FUT8: variants seen among roughly 807,000 people sequenced by gnomAD.
The protein encoded by FUT8 is fucosyltransferase 8, also known as alpha-(1,6)-fucosyltransferase.
Under a neutral mutation model 71.3 loss-of-function variants are expected in FUT8, and 29 were observed. That is an observed-to-expected ratio of 0.41 (90% CI 0.30 to 0.55). FUT8 has a LOEUF of 0.55. FUT8 is among the 20% of genes least tolerant of loss of function. The pLI, the probability that FUT8 is intolerant of heterozygous loss-of-function variation, is 0.34. For missense variants in FUT8, 544 were observed against 702.1 expected (o/e 0.77, Z 2.55); for synonymous variants, 254 against 239.3 (o/e 1.06, Z -0.57).
At chr14:65,625,064 C>CATAAATAA (rs145476463) in intron 5 of FUT8, among the ~76,000 whole-genome samples, 69,708 of 146,190 alleles carry the variant, frequency 0.48, 17,023 homozygotes, top group East Asian at 0.7. Context: ...GAAACTCTGT[C>CATAAATAA]ATAAATAAAT....
At position 65,660,217 on chromosome 14, in the gene FUT8, G is replaced by T. The variant is rs1249129879; in HGVS notation, c.598-9026G>T. On this transcript the variant is annotated intron_variant, in intron 6 of 10. Coordinates refer to ENST00000673929, the MANE Select transcript of FUT8 (RefSeq NM_001371533.1). This position sits in a 1 kb window ranked among gnomAD's most constrained non-coding sequence, Gnocchi z 4.1. The stretch of plus-strand genomic sequence containing the variant: ...GAAACTAAGTTGAGGGTTTTCTAGA[G>T]ACCACCTGGAACTCCCAGAGGTAAC... Among the ~76,000 whole-genome samples, 1 of 152,004 alleles carries T rather than the reference G, an allele frequency of 6.6e-6. No individual in the cohort carries two copies. Among genetic ancestry groups the T allele is most frequent in the Non-Finnish European group, 1.5e-5 (1 of 67,974 alleles).
In FUT8 at chr14:65,652,749, A is replaced by G. The variant is rs569109672; in HGVS notation, c.598-16494A>G. ...TTTATTGGATAAAGGAATAAGAGAA[A>G]GAATGAATGAAACTTCTACTAAACC... On this transcript the variant is annotated intron_variant, in intron 6 of 10. Transcript: ENST00000673929. The surrounding 1 kb of genome is among the most constrained non-coding windows in gnomAD (Gnocchi z 4.0). Among the ~76,000 whole-genome samples the G allele has an allele frequency of 3.3e-5, 5 of 152,350 alleles. No homozygotes were observed. In the East Asian group the frequency reaches 7.7e-4, roughly 24 times the overall value.
intron 1 of FUT8, among the ~76,000 whole-genome samples, chr14:65,454,413 G>A (rs1484956627): frequency 6.6e-6 from 1 of 152,068 alleles, no homozygotes; most frequent in Non-Finnish European, 1.5e-5. Context: ...GATTACTTGA[G>A]CCCAGGAGTT....
intron 2 of FUT8, among the ~76,000 whole-genome samples, chr14:65,486,141 T>C (rs771132298): frequency 1.3e-5 from 2 of 152,346 alleles, no homozygotes; most frequent in South Asian, 4.1e-4. Context: ...CTTTATGTTT[T>C]AGCACTAGCT....
intron 7 of FUT8, among the ~76,000 whole-genome samples, chr14:65,676,686 T>G (rs1181212097): frequency 6.6e-6 from 1 of 151,388 alleles, no homozygotes; most frequent in Non-Finnish European, 1.5e-5. Flanking sequence ...CAGACATACT[T>G]ATGTGAATCT....
chr14:65,551,296 A>C (rs1388617560), intron 2 of FUT8, among the ~76,000 whole-genome samples: 1 of 152,218 alleles, frequency 6.6e-6, no homozygotes, highest in East Asian at 1.9e-4. Flanking sequence ...GTTAGACTTA[A>C]GAAGTGTCAG....
chr14:65,597,467 C>CA (rs1191837223), intron 3 of FUT8, among the ~76,000 whole-genome samples: 1 of 151,966 alleles, frequency 6.6e-6, no homozygotes, highest in East Asian at 1.9e-4. Flanking sequence ...ACTAAAAATA[C>CA]AAAAAATTAG....
At chr14:65,686,253 C>T (rs1388098076) in intron 7 of FUT8, among the ~76,000 whole-genome samples, 1 of 152,174 alleles carries the variant, frequency 6.6e-6, no homozygotes, top group Non-Finnish European at 1.5e-5. Context: ...GCATTTTAAG[C>T]TTTAAGTTTG....
At chr14:65,655,792 A>G (rs1327623129) in intron 6 of FUT8, among the ~76,000 whole-genome samples, 1 of 152,222 alleles carries the variant, frequency 6.6e-6, no homozygotes, top group Non-Finnish European at 1.5e-5. Context: ...CTGGGACACA[A>G]GAATTGTTCA....
At chr14:65,661,267 A>T (rs988131420) in intron 6 of FUT8, among the ~76,000 whole-genome samples, 1 of 152,126 alleles carries the variant, frequency 6.6e-6, no homozygotes, top group Admixed American at 6.5e-5. Flanking sequence ...TGAAGACATC[A>T]TGGTGAAATC....
intron 1 of FUT8, among the ~76,000 whole-genome samples, chr14:65,439,987 T>TATATATACACAC (rs1358951833): frequency 7.2e-6 from 1 of 138,082 alleles, no homozygotes; most frequent in African/African-American, 2.7e-5. Flanking sequence ...TATATATATA[T>TATATATACACAC]ATATGTACAC....
the FUT8 span, among the ~76,000 whole-genome samples, chr14:65,376,733 T>C: frequency 6.6e-6 from 1 of 151,790 alleles, no homozygotes; most frequent in Admixed American, 6.6e-5. Context: ...AAAGCACTGA[T>C]TTTTTTTCTT....
intron 2 of FUT8, among the ~76,000 whole-genome samples, chr14:65,510,873 T>C (rs775156048): frequency 1.4e-4 from 22 of 152,250 alleles, no homozygotes; most frequent in South Asian, 2.1e-4. Context: ...TTTTGATTCA[T>C]CTTTTGTATT....
intron 2 of FUT8, among the ~76,000 whole-genome samples, chr14:65,491,346 T>G (rs2066479559): frequency 6.6e-6 from 1 of 152,154 alleles, no homozygotes; most frequent in African/African-American, 2.4e-5. Flanking sequence ...ATGAGCTCAG[T>G]AATGACAATA....
intron 3 of FUT8, among the ~76,000 whole-genome samples, chr14:65,577,443 C>T (rs937525591): frequency 7.9e-5 from 12 of 152,040 alleles, no homozygotes; most frequent in African/African-American, 1.9e-4. Context: ...TCAGTTTCTT[C>T]ACTTTAAAAA....
chr14:65,626,511 C>T (rs1310047865), intron 5 of FUT8, among the ~76,000 whole-genome samples: 1 of 152,130 alleles, frequency 6.6e-6, no homozygotes, highest in African/African-American at 2.4e-5. Context: ...TAATTAGAAG[C>T]CTGGACTTTA....
chr14:65,361,904 G>T, the FUT8 span, among the ~76,000 whole-genome samples: 2 of 152,070 alleles, frequency 1.3e-5, no homozygotes, highest in Non-Finnish European at 2.9e-5. Context: ...TCCTGAAATC[G>T]CTGGGAATGT....
intron 2 of FUT8, among the ~76,000 whole-genome samples, chr14:65,556,615 C>G (rs1282429667): frequency 6.6e-6 from 1 of 152,138 alleles, no homozygotes; most frequent in Non-Finnish European, 1.5e-5. Flanking sequence ...ATTTAAGAAA[C>G]AAGTCACTAG....
chr14:65,597,515 C>T (rs145593027), intron 3 of FUT8, among the ~76,000 whole-genome samples: 1,558 of 151,762 alleles, frequency 0.01, 22 homozygotes, highest in East Asian at 0.036. Flanking sequence ...CCTAGCTACT[C>T]GGGAGGCTGA....
Sources: allele counts gnomAD v4.1 joint callset (sites outside exome capture counted in the v4.1 genomes callset), GRCh38; gene constraint gnomAD v4.1.1; non-coding constraint Gnocchi (gnomAD v3.1); transcripts MANE v1.5; gene names NCBI Gene and HGNC (gene_info 2026-07-23, HGNC 2026-07-21).